EPC1: variants seen among roughly 807,000 people sequenced by gnomAD.
The protein encoded by EPC1 is enhancer of polycomb homolog 1.
EPC1 carries 12 observed loss-of-function variants against 98.4 expected under a neutral mutation model. The observed-to-expected ratio is 0.12, with a 90% CI of 0.08 to 0.20. EPC1 has a LOEUF of 0.20. Among genes scored for constraint, EPC1 ranks in the 10% least tolerant of loss-of-function variants. EPC1 has a pLI of 1.00. For missense variants in EPC1, 729 were observed against 990.5 expected, an observed-to-expected ratio of 0.74 and a Z score of 3.54; for synonymous variants, 357 against 363.9, an observed-to-expected ratio of 0.98 and a Z score of 0.21.
intron 1 of EPC1, among the ~76,000 whole-genome samples, chr10:32,312,952 A>G (rs1415517454): frequency 6.6e-6 from 1 of 152,236 alleles, no homozygotes; most frequent in African/African-American, 2.4e-5. Flanking sequence ...CTGAGATTAT[A>G]CAAGTGTAAA....
Position 32,271,605 on chromosome 10 carries a change from T to C in EPC1, c.2318A>G (p.Asn773Ser). 6.2e-7 allele frequency: 1 copy of C among 1,614,164 alleles called. No individual in the cohort carries two copies. The highest frequency in any genetic ancestry group is 2.2e-5 in the East Asian group (1 of 44,884). Residue 773 changes from asparagine to serine, a missense_variant, in exon 13 of 14, where the codon AAC becomes AGC. Coordinates refer to ENST00000319778, the MANE Select transcript of EPC1 (RefSeq NM_001272004.3). ...AGATGGGACCTTGGAAACTTGACAG[T>C]TTGCTGCAGCGGCCAGCTTTAAGGC... Reference protein sequence around the residue: ...SSALKLAAAANCQVSKVPSSS... With the variant: ...SSALKLAAAASCQVSKVPSSS...
At chr10:32,376,051 C>T (rs1463694449) in intron 1 of EPC1, among the ~76,000 whole-genome samples, 1 of 151,910 alleles carries the variant, frequency 6.6e-6, no homozygotes, top group Non-Finnish European at 1.5e-5. Flanking sequence ...AAATAGTGAA[C>T]TGTTTTTGCC....
chr10:32,346,598 G>C (rs1270447914), intron 1 of EPC1, 165 bp downstream of exon 1: 2 of 693,010 alleles, frequency 2.9e-6, no homozygotes, highest in African/African-American at 1.8e-5. Context: ...GCGGCGGCCG[G>C]GGGTCGAGGC....
In EPC1 at chr10:32,357,895, G is replaced by A. The variant is rs565161815; in HGVS notation, c.3+20596C>T. 2.5e-5 allele frequency among the ~76,000 whole-genome samples: 3 copies of A among 120,928 alleles called. No individual in the cohort carries two copies. In the Admixed American group the frequency reaches 3.0e-4, roughly 12 times the overall value. 79.3% of individuals were successfully genotyped at this position (120,928 alleles called of 152,430 possible). On this transcript the variant is annotated intron_variant, in intron 1 of 13. Coordinates refer to the EPC1 transcript ENST00000375110. The stretch of plus-strand genomic sequence containing the variant: ...TTTTTAGACAGAGTCTCACTCTGTT[G>A]CCAGGCTGGAATGTAATGGCATGAT...
chr10:32,363,682 G>A lies in EPC1; in HGVS notation c.3+14809C>T, dbSNP rs199788986. ...AGTGTGCACACACATGTATATATACGCTTCTTTACACCAGGCTTGTAGGGG... is the reference window on the plus strand; with the variant it reads ...AGTGTGCACACACATGTATATATACACTTCTTTACACCAGGCTTGTAGGGG... On this transcript the variant is annotated intron_variant, in intron 1 of 13. Transcript: ENST00000375110. Among the ~76,000 whole-genome samples, 238 of 151,950 alleles carry A rather than the reference G, an allele frequency of 1.6e-3. 4 individuals carry two copies. The East Asian group carries it at 0.039, about 25-fold the overall frequency.
chr10:32,316,639 C>T (rs1161800033), intron 1 of EPC1, among the ~76,000 whole-genome samples: 4 of 152,112 alleles, frequency 2.6e-5, no homozygotes, highest in African/African-American at 9.7e-5. Flanking sequence ...AACAGTAGTT[C>T]CCTCTGGGAA....
intron 2 of EPC1, among the ~76,000 whole-genome samples, chr10:32,300,497 G>C (rs1835447756): frequency 6.7e-6 from 1 of 149,566 alleles, no homozygotes; most frequent in Non-Finnish European, 1.5e-5. Context: ...GTAGTGGCGC[G>C]ATCTCGGCTC....
intron 10 of EPC1, among the ~76,000 whole-genome samples, chr10:32,279,640 T>G (rs1457507867): frequency 6.6e-6 from 1 of 152,200 alleles, no homozygotes; most frequent in Non-Finnish European, 1.5e-5. Flanking sequence ...TGGTGAAATT[T>G]TACTGGAAAT....
chr10:32,364,001 CATTTTTTT>C (rs1401467939), intron 1 of EPC1, among the ~76,000 whole-genome samples: 61 of 61,854 alleles, frequency 9.9e-4, no homozygotes, highest in African/African-American at 2.5e-3. Context: ...ATCATGTTGG[CATTTTTTT>C]TTTTTTTTTT....
chr10:32,334,147 GGATTTCA>G (rs1050741189), intron 1 of EPC1, among the ~76,000 whole-genome samples: 1 of 152,100 alleles, frequency 6.6e-6, no homozygotes, highest in Non-Finnish European at 1.5e-5. Context: ...TTGGCTGATT[GGATTTCA>G]GAATTGTTAC....
In EPC1 at chr10:32,271,347, T is replaced by C. The variant is rs530615015; in HGVS notation, c.2369+207A>G. The stretch of plus-strand genomic sequence containing the variant: ...CAAATCATATATGCAACATTCACTA[T>C]ACCAGTTAGTTCAAATTCTTAATAT... On this transcript the variant is annotated intron_variant, in intron 13 of 13. Transcript: ENST00000319778. Among the ~76,000 whole-genome samples the C allele has an allele frequency of 1.4e-4, 22 of 152,342 alleles. No homozygotes were observed. The South Asian group carries it at 2.7e-3, about 19-fold the overall frequency.
intron 1 of EPC1, among the ~76,000 whole-genome samples, chr10:32,354,934 ACTGT>A (rs1247245439): frequency 2.6e-5 from 4 of 152,182 alleles, no homozygotes; most frequent in Non-Finnish European, 4.4e-5. Flanking sequence ...CCCACATAGG[ACTGT>A]CTAGTTGCAG....
At chr10:32,363,762 C>T (rs756839605) in intron 1 of EPC1, among the ~76,000 whole-genome samples, 13 of 152,004 alleles carry the variant, frequency 8.6e-5, no homozygotes, top group Non-Finnish European at 1.6e-4. Flanking sequence ...CTTAACAGAA[C>T]TCTTTTTGCC....
intron 1 of EPC1, among the ~76,000 whole-genome samples, chr10:32,306,833 T>C (rs1438518976): frequency 6.8e-6 from 1 of 147,888 alleles, no homozygotes. Flanking sequence ...ACACTGAATT[T>C]TGGTATATGC....
intron 1 of EPC1, among the ~76,000 whole-genome samples, chr10:32,344,130 C>G (rs1564559151): frequency 6.6e-6 from 1 of 152,160 alleles, no homozygotes; most frequent in Non-Finnish European, 1.5e-5. Context: ...TTCCGCACAT[C>G]AAAAAGTTTG....
At chr10:32,311,872 T>C (rs985910895) in intron 1 of EPC1, among the ~76,000 whole-genome samples, 1 of 152,182 alleles carries the variant, frequency 6.6e-6, no homozygotes, top group Non-Finnish European at 1.5e-5. Flanking sequence ...CTCCATGATG[T>C]GATGAAGTGA....
chr10:32,274,112 C>T (rs892680699), intron 10 of EPC1: 3 of 151,208 alleles, frequency 2.0e-5, no homozygotes, highest in Admixed American at 6.6e-5. Flanking sequence ...AAAAAGGAAA[C>T]CTTTTTCTCT....
chr10:32,372,339 G>T (rs1408811887), intron 1 of EPC1, among the ~76,000 whole-genome samples: 1 of 152,182 alleles, frequency 6.6e-6, no homozygotes, highest in Admixed American at 6.5e-5. Context: ...ACAGGTGAAA[G>T]CTTCCATATA....
Position 32,292,541 on chromosome 10 carries a change from C to G in EPC1, c.770G>C (p.Ser257Thr). The change falls in exon 5 of 14, where the codon AGT (serine) becomes ACT (threonine). Residue 257 changes from serine (S) to threonine (T), a missense_variant. Coordinates refer to ENST00000319778, the MANE Select transcript of EPC1 (RefSeq NM_001272004.3). The stretch of plus-strand genomic sequence containing the variant: ...TGTTAAGTGCAATAGCTCTCTTTTA[C>G]TTTTTTCTCTTCTTTTTATCATCTC... ...ILEMIKRREK[S>T]KRELLHLTLE... is the part of the protein sequence containing the mutation. The G allele has an allele frequency of 6.2e-7, 1 of 1,603,512 alleles. No homozygotes were observed.
Sources: allele counts gnomAD v4.1 joint callset (sites outside exome capture counted in the v4.1 genomes callset), GRCh38; gene constraint gnomAD v4.1.1; transcripts MANE v1.5; gene names NCBI Gene and HGNC (gene_info 2026-07-23, HGNC 2026-07-21).